Variants in ZFP90 observed in about 807,000 individuals in gnomAD.
The protein encoded by ZFP90 is zinc finger protein 90 homolog.
ZFP90 carries 38 observed loss-of-function variants against 60.8 expected under a neutral mutation model. That is an observed-to-expected ratio of 0.62 (90% confidence interval 0.48 to 0.82). The LOEUF (loss-of-function observed/expected upper bound fraction) is 0.82, where lower values mean the gene tolerates loss of function less well. ZFP90 is among the 40% of genes least tolerant of loss of function. The probability of loss-of-function intolerance (pLI) is 0.00; values close to 1 mark genes in which losing one functional copy is unlikely to be tolerated. For synonymous variants in ZFP90, 287 were observed against 264.8 expected, an observed-to-expected ratio of 1.08 and a Z score of -0.82; for missense variants, 711 against 759.1, an observed-to-expected ratio of 0.94 and a Z score of 0.74.
At chr16:68,555,699 G>A (rs550943825) in intron 2 of ZFP90, among the ~76,000 whole-genome samples, 3 of 152,292 alleles carry the variant, frequency 2.0e-5, no homozygotes, top group Non-Finnish European at 4.4e-5. Flanking sequence ...TGTGCAGAGT[G>A]GTTTAAAGCA....
At chr16:68,535,409 C>G (rs1749793), upstream of ZFP90, 1 of 152,002 alleles carries the variant, frequency 6.6e-6, no homozygotes, top group Non-Finnish European at 1.5e-5. Context: ...CCAATTTTTA[C>G]TGGGTGGGGT....
chr16:68,540,808 CA>C (rs35122186), intron 2 of ZFP90, among the ~76,000 whole-genome samples: 36 of 92,650 alleles, frequency 3.9e-4, no homozygotes, highest in South Asian at 1.1e-3. Flanking sequence ...TCCGTCTCTG[CA>C]AAAAAAAAAA....
exon 2 of ZFP90, chr16:68,533,819 C>T (rs2090942977): frequency 6.6e-6 from 1 of 152,188 alleles, no homozygotes; most frequent in Non-Finnish European, 1.5e-5. Context: ...AGCCATCACG[C>T]CCAGCTAGCC....
At chr16:68,567,258 T>C (rs1248442945), downstream of ZFP90, 2 of 676,600 alleles carry the variant, frequency 3.0e-6, no homozygotes, top group Non-Finnish European at 3.6e-6. Context: ...ATTTATTGAA[T>C]GCTTACTACT....
chr16:68,563,657 C>T lies in ZFP90; in HGVS notation c.870C>T (p.Ala290=), dbSNP rs1481679751. 17 of 1,614,142 alleles carry T rather than the reference C, an allele frequency of 1.1e-5. No homozygotes were observed. Among genetic ancestry groups the T allele is most frequent in the Non-Finnish European group, 1.4e-5 (16 of 1,180,024 alleles). ...KPFECNVCGK[A]FRHSSSLGQH... is the part of the protein sequence containing the mutation. ...TTGAATGCAATGTATGTGGAAAGGC[C>T]TTCAGGCATAGCTCATCTCTTGGTC... The change falls in exon 5 of 5, where the codon GCC becomes GCT. Residue 290 remains alanine, a synonymous_variant. Coordinates refer to ENST00000563169, the MANE Select transcript of ZFP90 (RefSeq NM_001305203.2).
intron 2 of ZFP90, among the ~76,000 whole-genome samples, chr16:68,551,362 A>G (rs1000384703): frequency 1.3e-4 from 19 of 151,412 alleles, no homozygotes; most frequent in South Asian, 2.1e-4. Context: ...TTTGGGCTCA[A>G]CCATTTGGCC....
downstream of ZFP90, among the ~76,000 whole-genome samples, chr16:68,570,379 C>T (rs1459964943): frequency 6.6e-6 from 1 of 152,226 alleles, no homozygotes; most frequent in African/African-American, 2.4e-5. Context: ...GGAATTGCTC[C>T]TGTGAAGCAC....
Position 68,539,487 on chromosome 16 carries a change from G to C in ZFP90, c.-36+8G>C, listed in dbSNP as rs2090996014. On this transcript the variant is annotated splice_region_variant and intron_variant, in intron 1 of 4. Coordinates refer to ENST00000563169, the MANE Select transcript of ZFP90 (RefSeq NM_001305203.2). ...CAGAGGCGGTGATTCTGAGTGCGCG[G>C]GTCTGGGCGGGACCCCTCCTGGGTT... is the stretch of plus-strand genomic sequence containing the variant. 2.3e-6 allele frequency: 1 copy of C among 441,448 alleles called. No homozygotes were observed. The highest frequency in any genetic ancestry group is 4.0e-6 in the Non-Finnish European group (1 of 249,588). 27.3% of individuals were successfully genotyped at this position (441,448 alleles called of 1,614,324 possible).
At chr16:68,545,540 C>T (rs1414869964) in intron 2 of ZFP90, among the ~76,000 whole-genome samples, 4 of 152,162 alleles carry the variant, frequency 2.6e-5, no homozygotes, top group African/African-American at 4.8e-5. Context: ...TCAAGCCAGG[C>T]GCAGTGGCTC....
chr16:68,550,998 C>G (rs947018372), intron 2 of ZFP90, among the ~76,000 whole-genome samples: 10 of 152,142 alleles, frequency 6.6e-5, no homozygotes, highest in African/African-American at 2.4e-4. Context: ...CTCTGTACAC[C>G]ATTGTTAGTT....
chr16:68,568,860 G>T (rs1201457043), downstream of ZFP90, among the ~76,000 whole-genome samples: 2 of 152,126 alleles, frequency 1.3e-5, no homozygotes, highest in Non-Finnish European at 2.9e-5. Flanking sequence ...TGTATTTTTA[G>T]TAGAGATGAG....
At chr16:68,552,359 G>C (rs1051745770) in intron 2 of ZFP90, among the ~76,000 whole-genome samples, 2 of 152,206 alleles carry the variant, frequency 1.3e-5, no homozygotes, top group African/African-American at 2.4e-5. Context: ...TTTGGTAGGA[G>C]TGACCACTGG....
At chr16:68,575,656 CAG>C in intron 2 of ZFP90, 1 of 344,762 alleles carries the variant, frequency 2.9e-6, no homozygotes, top group East Asian at 4.4e-5. Flanking sequence ...AGTGATCAAT[CAG>C]AGGAAAGCAT....
intron 2 of ZFP90, among the ~76,000 whole-genome samples, chr16:68,540,959 AGTACAGT>A (rs2152054095): frequency 1.5e-5 from 2 of 131,778 alleles, no homozygotes; most frequent in South Asian, 5.1e-4. Context: ...CCCAGTCTGG[AGTACAGT>A]GACATGATCT....
intron 1 of ZFP90, 58 bp downstream of exon 1, chr16:68,539,537 C>T (rs1401518835): frequency 1.6e-5 from 8 of 487,378 alleles, no homozygotes; most frequent in African/African-American, 1.2e-4. Context: ...CGGGCCTCGC[C>T]CACCACCCTG....
chr16:68,545,321 CATG>C (rs1297331865), intron 2 of ZFP90, among the ~76,000 whole-genome samples: 1 of 152,154 alleles, frequency 6.6e-6, no homozygotes, highest in Non-Finnish European at 1.5e-5. Flanking sequence ...CACGAGGTAA[CATG>C]ATCATTCAGA....
chr16:68,539,764 C>T lies in ZFP90; in HGVS notation c.-29C>T, dbSNP rs748314707. The T allele has an allele frequency of 2.5e-5, 39 of 1,570,310 alleles. No homozygotes were observed. The highest frequency in any genetic ancestry group is 3.3e-5 in the Non-Finnish European group (38 of 1,158,558). On this transcript the variant is annotated 5_prime_UTR_variant, in exon 2 of 5. Coordinates refer to ENST00000563169, the MANE Select transcript of ZFP90 (RefSeq NM_001305203.2). Reference sequence around the variant, plus strand: ...CCCTGTCCTTTCTCCCCAGCTCCTGCCCCGGAGCCGGGCCCTGGCGAGGCA... The same window carrying T: ...CCCTGTCCTTTCTCCCCAGCTCCTGTCCCGGAGCCGGGCCCTGGCGAGGCA...
At position 68,565,667 on chromosome 16, in the gene ZFP90, C is replaced by T; in HGVS notation, c.*969C>T. ...AAGCACTTTCTTAAGCCTACAGTATCAGATCAATGGGAAAACAACAGAAAA... is the reference window on the plus strand; with the variant it reads ...AAGCACTTTCTTAAGCCTACAGTATTAGATCAATGGGAAAACAACAGAAAA... On this transcript the variant is annotated 3_prime_UTR_variant, in exon 5 of 5. Coordinates refer to ENST00000563169, the MANE Select transcript of ZFP90 (RefSeq NM_001305203.2). The T allele has an allele frequency of 1.0e-6, 1 of 985,490 alleles. No individual in the cohort carries two copies. The highest frequency in any genetic ancestry group is 1.2e-6 in the Non-Finnish European group (1 of 829,910). The allele number at this position is 985,490 out of a possible 1,614,324, so 61.0% of individuals were successfully genotyped here.
chr16:68,576,054 A>G lies in ZFP90; in HGVS notation c.*178A>G, dbSNP rs2091592941. On this transcript the variant is annotated 3_prime_UTR_variant, in exon 3 of 3. Transcript: ENST00000573113. Reference sequence around the variant, plus strand: ...AAACATTTATTTAAAAAAAAAAAAAAAAAGCATTTCATTAACAAGAGTGAT... The same window carrying G: ...AAACATTTATTTAAAAAAAAAAAAAGAAAGCATTTCATTAACAAGAGTGAT... The G allele has an allele frequency of 2.2e-5, 8 of 361,346 alleles. No homozygotes were observed. The East Asian group carries it at 2.4e-4, about 11-fold the overall frequency. 22.4% of individuals were successfully genotyped at this position (361,346 alleles called of 1,614,324 possible).
Sources: allele counts gnomAD v4.1 joint callset (sites outside exome capture counted in the v4.1 genomes callset), GRCh38; gene constraint gnomAD v4.1.1; transcripts MANE v1.5; gene names NCBI Gene and HGNC (gene_info 2026-07-23, HGNC 2026-07-21).